PDGFC: variants seen among roughly 807,000 people sequenced by gnomAD.
PDGFC encodes platelet-derived growth factor C.
A neutral mutation model predicts 35.5 loss-of-function variants in PDGFC; 12 were observed. That is an observed-to-expected ratio of 0.34 (90% CI 0.22 to 0.55). The LOEUF (loss-of-function observed/expected upper bound fraction) is 0.55, where lower values mean the gene tolerates loss of function less well. PDGFC is among the 20% of genes least tolerant of loss of function. PDGFC has a pLI of 0.91. For missense variants in PDGFC, 322 were observed against 412.4 expected (o/e 0.78, Z 1.90); for synonymous variants, 159 against 148.8 (o/e 1.07, Z -0.50).
At chr4:156,866,133 T>C (rs1729835743) in intron 1 of PDGFC, among the ~76,000 whole-genome samples, 1 of 152,014 alleles carries the variant, frequency 6.6e-6, no homozygotes, top group African/African-American at 2.4e-5. Flanking sequence ...CAGTCCCCAG[T>C]GTGTGATGTC....
intron 1 of PDGFC, among the ~76,000 whole-genome samples, chr4:156,921,633 C>T (rs1731284087): frequency 6.6e-6 from 1 of 152,100 alleles, no homozygotes; most frequent in African/African-American, 2.4e-5. Flanking sequence ...AGTATGACAC[C>T]TTTACAACGA....
chr4:156,903,100 A>AGT (rs1301432445), intron 1 of PDGFC, among the ~76,000 whole-genome samples: 10 of 97,098 alleles, frequency 1.0e-4, no homozygotes, highest in African/African-American at 2.3e-4. Flanking sequence ...AGAGAGAGAG[A>AGT]GAGAGTGTGT....
At position 156,763,063 on chromosome 4, in the gene PDGFC, G is replaced by T; in HGVS notation, c.*27C>A. The stretch of plus-strand genomic sequence containing the variant: ...ATCAGCCACTGCACTGCACAGCTCT[G>T]GGCAAGAGCTGCTGGTGGTGATGCG... On this transcript the variant is annotated 3_prime_UTR_variant, in exon 6 of 6. Coordinates refer to ENST00000502773, the MANE Select transcript of PDGFC (RefSeq NM_016205.3). 8.6e-7 allele frequency: 1 copy of T among 1,161,874 alleles called. No homozygotes were observed. Among genetic ancestry groups the T allele is most frequent in the Non-Finnish European group, 1.3e-6 (1 of 766,918 alleles). 72.0% of individuals were successfully genotyped at this position (1,161,874 alleles called of 1,614,324 possible).
At chr4:156,939,821 C>A (rs60951512) in intron 1 of PDGFC, among the ~76,000 whole-genome samples, 7 of 152,002 alleles carry the variant, frequency 4.6e-5, no homozygotes, top group African/African-American at 1.7e-4. Flanking sequence ...ACCAGCCTCA[C>A]GTTGACAGAA....
intron 1 of PDGFC, among the ~76,000 whole-genome samples, chr4:156,858,223 G>C (rs1470700669): frequency 1.3e-5 from 2 of 152,048 alleles, no homozygotes; most frequent in Non-Finnish European, 2.9e-5. Context: ...ATGTGATATA[G>C]AAATGTTAAT....
chr4:156,960,326 A>G (rs1732313909), intron 1 of PDGFC, among the ~76,000 whole-genome samples: 1 of 149,528 alleles, frequency 6.7e-6, no homozygotes, highest in Middle Eastern at 3.5e-3. Context: ...TACTGACTTT[A>G]CTTTTATTTC....
chr4:156,917,902 T>C (rs1446547765), intron 1 of PDGFC, among the ~76,000 whole-genome samples: 1 of 152,198 alleles, frequency 6.6e-6, no homozygotes, highest in African/African-American at 2.4e-5. Context: ...TGTTTCAACA[T>C]TCAGGAGACA....
intron 1 of PDGFC, among the ~76,000 whole-genome samples, chr4:156,966,008 C>A (rs1440726617): frequency 6.6e-6 from 1 of 152,046 alleles, no homozygotes; most frequent in African/African-American, 2.4e-5. Context: ...GTCCATTTGT[C>A]TTAGAGGAGT....
intron 2 of PDGFC, among the ~76,000 whole-genome samples, chr4:156,822,938 T>G (rs1177014306): frequency 6.6e-6 from 1 of 151,986 alleles, no homozygotes. Flanking sequence ...TTCTCCGTGT[T>G]GGTCAGGCTG....
chr4:156,957,338 C>T (rs1417248870), intron 1 of PDGFC, among the ~76,000 whole-genome samples: 1 of 151,998 alleles, frequency 6.6e-6, no homozygotes, highest in Admixed American at 6.6e-5. Context: ...CCTCACTTTA[C>T]TCCATGTCCA....
chr4:156,956,286 G>A (rs1388099079), intron 1 of PDGFC, among the ~76,000 whole-genome samples: 1 of 152,020 alleles, frequency 6.6e-6, no homozygotes, highest in East Asian at 1.9e-4. Context: ...AGTAGCCATG[G>A]AGAACAACAA....
At chr4:156,868,720 T>G (rs1419827888) in intron 1 of PDGFC, among the ~76,000 whole-genome samples, 1 of 152,176 alleles carries the variant, frequency 6.6e-6, no homozygotes, top group African/African-American at 2.4e-5. Context: ...ATGGCTATAT[T>G]TTATTGTGTT....
At chr4:156,931,033 C>CA (rs1731538089) in intron 1 of PDGFC, among the ~76,000 whole-genome samples, 1 of 152,040 alleles carries the variant, frequency 6.6e-6, no homozygotes, top group Non-Finnish European at 1.5e-5. Context: ...TTCCTGCTAC[C>CA]TATTGTTGGA....
At chr4:156,795,635 C>G (rs898766091) in intron 3 of PDGFC, among the ~76,000 whole-genome samples, 1 of 152,118 alleles carries the variant, frequency 6.6e-6, no homozygotes, top group Non-Finnish European at 1.5e-5. Flanking sequence ...GAGCAGACTT[C>G]CAATGAATTC....
intron 1 of PDGFC, among the ~76,000 whole-genome samples, chr4:156,898,239 G>A (rs965778622): frequency 2.0e-5 from 3 of 152,090 alleles, no homozygotes; most frequent in African/African-American, 7.2e-5. Context: ...ACCAGACACC[G>A]AATCTGCCAG....
intron 1 of PDGFC, among the ~76,000 whole-genome samples, chr4:156,925,090 G>C (rs140580235): frequency 2.1e-4 from 32 of 152,322 alleles, no homozygotes; most frequent in African/African-American, 6.0e-4. Context: ...AGGAAATCAT[G>C]AGAACAGGAT....
At chr4:156,908,318 G>A (rs913543946) in intron 1 of PDGFC, among the ~76,000 whole-genome samples, 1 of 151,884 alleles carries the variant, frequency 6.6e-6, no homozygotes, top group Non-Finnish European at 1.5e-5. Context: ...AGAGTAGTTG[G>A]TGTCAATATA....
At chr4:156,887,995 C>A (rs1730415430) in intron 1 of PDGFC, among the ~76,000 whole-genome samples, 1 of 145,950 alleles carries the variant, frequency 6.9e-6, no homozygotes, top group African/African-American at 2.5e-5. Context: ...AGAGTGAAAC[C>A]CCGTCTTAAA....
intron 1 of PDGFC, among the ~76,000 whole-genome samples, chr4:156,922,383 G>C (rs1023312750): frequency 2.0e-5 from 3 of 152,160 alleles, no homozygotes; most frequent in African/African-American, 7.2e-5. Flanking sequence ...CAGGCATTGA[G>C]AATATAATCC....
Sources: gnomAD v4.1 joint callset for allele counts (sites outside exome capture counted in the v4.1 genomes callset) on GRCh38, gnomAD v4.1.1 for gene constraint, MANE v1.5 for transcripts, NCBI Gene and HGNC (gene_info 2026-07-23, HGNC 2026-07-21) for gene names.